The following KPNA1 variants were observed in gnomAD, a reference collection of about 807,000 sequenced individuals.
KPNA1 encodes the protein importin subunit alpha-5.
A neutral mutation model predicts 70.5 loss-of-function variants in KPNA1; 10 were observed. The observed-to-expected ratio is 0.14, with a 90% confidence interval of 0.09 to 0.24. The LOEUF (loss-of-function observed/expected upper bound fraction) is 0.24, where lower values mean the gene tolerates loss of function less well. Among genes scored for constraint, KPNA1 ranks in the 10% least tolerant of loss-of-function variants. The pLI, the probability that KPNA1 is intolerant of heterozygous loss-of-function variation, is 1.00. For missense variants in KPNA1, 397 were observed against 637.9 expected (o/e 0.62, Z 4.07); for synonymous variants, 192 against 221.9 (o/e 0.87, Z 1.20).
chr3:122,505,973 A>G (rs2076886187), intron 1 of KPNA1, among the ~76,000 whole-genome samples: 1 of 152,360 alleles, frequency 6.6e-6, no homozygotes, highest in East Asian at 1.9e-4. Flanking sequence ...TCAATGGATA[A>G]GGAACTACAA....
chr3:122,438,832 CTG>C (rs1430260152), intron 10 of KPNA1, among the ~76,000 whole-genome samples: 1 of 152,028 alleles, frequency 6.6e-6, no homozygotes, highest in Non-Finnish European at 1.5e-5. Context: ...TGGTAAAAGA[CTG>C]TATGTATGAG....
intron 6 of KPNA1, among the ~76,000 whole-genome samples, chr3:122,453,097 T>TG (rs2076229546): frequency 6.6e-6 from 1 of 152,036 alleles, no homozygotes; most frequent in Non-Finnish European, 1.5e-5. Context: ...AACAGGCGTG[T>TG]GCCACCATGC....
rs2076240347 is a variant in KPNA1 at position 122,454,024 on chromosome 3, C to T, written c.433-23G>A. The T allele has an allele frequency of 3.3e-6, 5 of 1,496,892 alleles. No individual in the cohort carries two copies. The African/African-American group carries it at 7.1e-5, about 21-fold the overall frequency. The allele number at this position is 1,496,892 out of a possible 1,614,324, so 92.7% of individuals were successfully genotyped here. A position where few individuals can be genotyped will look rare whatever the true frequency, so the allele number is the denominator to read the frequency against. On this transcript the variant is annotated intron_variant, in intron 5 of 13. Coordinates refer to ENST00000344337, the MANE Select transcript of KPNA1 (RefSeq NM_002264.4). The stretch of plus-strand genomic sequence containing the variant: ...AAACTATAAAGATAAAAATAATTTT[C>T]ATTATCTTTTTAGAATGTAAAAGTT...
chr3:122,439,812 A>G (rs1320215523), intron 10 of KPNA1, among the ~76,000 whole-genome samples: 1 of 152,196 alleles, frequency 6.6e-6, no homozygotes, highest in Non-Finnish European at 1.5e-5. Context: ...ATAACAATCA[A>G]GAAGACCCAG....
At chr3:122,470,241 G>A (rs1461268386) in intron 2 of KPNA1, among the ~76,000 whole-genome samples, 2 of 152,140 alleles carry the variant, frequency 1.3e-5, no homozygotes, top group African/African-American at 4.8e-5. Context: ...GGCGGGGCAC[G>A]GTGGCTCACA....
At chr3:122,444,772 G>C (rs987439754) in intron 9 of KPNA1, among the ~76,000 whole-genome samples, 1 of 152,180 alleles carries the variant, frequency 6.6e-6, no homozygotes, top group African/African-American at 2.4e-5. Flanking sequence ...GTCTGGAGTG[G>C]ACCTCCAGCA....
chr3:122,464,008 T>A lies in KPNA1; in HGVS notation c.271A>T (p.Ile91Leu), dbSNP rs148747467. 81 of 1,605,734 alleles carry A rather than the reference T, an allele frequency of 5.0e-5. No homozygotes were observed. The highest frequency in any genetic ancestry group is 1.0e-4 in the Admixed American group (6 of 59,596). ...TGTTGCTCTGGGCTTTTGGAAAATA[T>A]CATTTCAATCATGTCAGAAGTGATG... Reference protein sequence around the residue: ...GVITSDMIEMIFSKSPEQQLS... With the variant: ...GVITSDMIEMLFSKSPEQQLS... Residue 91 changes from isoleucine to leucine, a missense_variant, in exon 4 of 14, where the codon ATA (isoleucine) becomes TTA (leucine). By Grantham distance (5) the Ile-to-Leu change is conservative. Transcript: ENST00000344337.
intron 1 of KPNA1, among the ~76,000 whole-genome samples, chr3:122,506,849 A>G (rs2076895648): frequency 6.6e-6 from 1 of 152,236 alleles, no homozygotes; most frequent in Non-Finnish European, 1.5e-5. Context: ...CAAAACACTT[A>G]AAGGAAAATA....
rs2075812759 is a variant in KPNA1, at chr3:122,425,619, T to G, written c.*1366A>C. On this transcript the variant is annotated 3_prime_UTR_variant, in exon 14 of 14. Coordinates refer to ENST00000344337, the MANE Select transcript of KPNA1 (RefSeq NM_002264.4). ...TTTTTCATTCCAGTCCAAGCACAAA[T>G]GTGGATCACTGAACACAGTACTGGA... 1 of 152,522 alleles carries G rather than the reference T, an allele frequency of 6.6e-6. No individual in the cohort carries two copies. Among genetic ancestry groups the G allele is most frequent in the Non-Finnish European group, 1.5e-5 (1 of 68,030 alleles). The allele number at this position is 152,522 out of a possible 1,614,324, so 9.4% of individuals were successfully genotyped here. A position where few individuals can be genotyped will look rare whatever the true frequency, so the allele number is the denominator to read the frequency against.
chr3:122,431,983 T>C (rs2075916648), intron 12 of KPNA1, among the ~76,000 whole-genome samples: 1 of 152,132 alleles, frequency 6.6e-6, no homozygotes, highest in Admixed American at 6.6e-5. Flanking sequence ...TTTGTACTTT[T>C]AGTAGACACG....
intron 2 of KPNA1, among the ~76,000 whole-genome samples, chr3:122,475,535 T>C (rs12638866): frequency 0.14 from 21,207 of 152,100 alleles, 1,585 homozygotes; most frequent in East Asian, 0.32. Flanking sequence ...AGACCCCAAA[T>C]AGCCAAAGCA....
At chr3:122,460,363 A>C (rs935857531) in intron 5 of KPNA1, 1 of 979,804 alleles carries the variant, frequency 1.0e-6, no homozygotes, top group Non-Finnish European at 1.2e-6. Flanking sequence ...CTTGGCTGGG[A>C]GCAGTGGCTC....
chr3:122,440,086 T>A (rs2076043150), intron 10 of KPNA1, among the ~76,000 whole-genome samples: 1 of 152,194 alleles, frequency 6.6e-6, no homozygotes, highest in Non-Finnish European at 1.5e-5. Flanking sequence ...TTGCATTCAA[T>A]AAATATTCTT....
intron 1 of KPNA1, among the ~76,000 whole-genome samples, chr3:122,503,092 G>A (rs1038760101): frequency 6.6e-6 from 1 of 151,894 alleles, no homozygotes; most frequent in East Asian, 1.9e-4. Context: ...CAAAAAAAAA[G>A]ATTCGTTAAG....
chr3:122,476,880 A>AAAAAAAC (rs2076505767), intron 2 of KPNA1, among the ~76,000 whole-genome samples: 1 of 150,474 alleles, frequency 6.6e-6, no homozygotes, highest in African/African-American at 2.4e-5. Context: ...AAAAAAAAAA[A>AAAAAAAC]AAAACTAAAA....
At chr3:122,479,914 A>G (rs2076551417) in intron 2 of KPNA1, among the ~76,000 whole-genome samples, 1 of 152,244 alleles carries the variant, frequency 6.6e-6, no homozygotes, top group Non-Finnish European at 1.5e-5. Context: ...GAAGCAATCC[A>G]GATGTCTTTC....
intron 9 of KPNA1, among the ~76,000 whole-genome samples, chr3:122,443,493 A>T (rs2076093173): frequency 6.6e-6 from 1 of 152,188 alleles, no homozygotes; most frequent in Non-Finnish European, 1.5e-5. Context: ...GAATGGACAG[A>T]CTACCTCCTC....
At chr3:122,504,340 G>A (rs2076864925) in intron 1 of KPNA1, among the ~76,000 whole-genome samples, 1 of 152,134 alleles carries the variant, frequency 6.6e-6, no homozygotes, top group Non-Finnish European at 1.5e-5. Flanking sequence ...AAGGGGCTAA[G>A]GAGCTCTCTG....
chr3:122,488,648 A>G (rs2076657593), intron 2 of KPNA1, among the ~76,000 whole-genome samples: 1 of 152,226 alleles, frequency 6.6e-6, no homozygotes, highest in Non-Finnish European at 1.5e-5. Flanking sequence ...TCTCAGTGCA[A>G]CGTCTGGGGG....
Sources: allele counts gnomAD v4.1 joint callset (sites outside exome capture counted in the v4.1 genomes callset), GRCh38; gene constraint gnomAD v4.1.1; transcripts MANE v1.5; gene names NCBI Gene and HGNC (gene_info 2026-07-23, HGNC 2026-07-21).